PCDHGA8: variants seen among roughly 807,000 people sequenced by gnomAD.
PCDHGA8 encodes protocadherin gamma-A8.
In PCDHGA8, 45 loss-of-function variants were observed where a neutral mutation model predicts 59.2. The observed-to-expected ratio is 0.76, with a 90% confidence interval of 0.60 to 0.98. PCDHGA8 has a LOEUF of 0.98. Among genes scored for constraint, PCDHGA8 ranks in the 50% least tolerant of loss-of-function variants. PCDHGA8 has a pLI of 0.00. For missense variants in PCDHGA8, 1,257 were observed against 1,196.2 expected, an observed-to-expected ratio of 1.05 and a Z score of -0.75; for synonymous variants, 531 against 519.0, an observed-to-expected ratio of 1.02 and a Z score of -0.32.
At chr5:141,430,931 G>C (rs781580216) in intron 1 of PCDHGA8, 2 of 1,607,530 alleles carry the variant, frequency 1.2e-6, no homozygotes, top group Admixed American at 1.7e-5. Flanking sequence ...GGAGCCCCGG[G>C]AGCTCGCGGA....
rs1200487646 is a variant in PCDHGA8, at chr5:141,410,571, C to T, written c.2424+15334C>T. 3 of 1,612,028 alleles carry T rather than the reference C, an allele frequency of 1.9e-6. No homozygotes were observed. The highest frequency in any genetic ancestry group is 2.5e-6 in the Non-Finnish European group (3 of 1,179,884). On this transcript the variant is annotated intron_variant, in intron 1 of 3. Coordinates refer to ENST00000398604, the MANE Select transcript of PCDHGA8 (RefSeq NM_032088.2). The stretch of plus-strand genomic sequence containing the variant: ...AGTGTTTCTCCTGGAGCCTTAATTC[C>T]ACCTCATGGTGGGGAGGATTTGACT...
At chr5:141,426,096 T>C (rs1296875718) in intron 1 of PCDHGA8, among the ~76,000 whole-genome samples, 6 of 152,230 alleles carry the variant, frequency 3.9e-5, no homozygotes, top group Non-Finnish European at 8.8e-5. Flanking sequence ...GATATTCTGT[T>C]CAGTCACAGA....
Position 141,431,535 on chromosome 5 carries a change from C to T in PCDHGA8, c.2424+36298C>T. On this transcript the variant is annotated intron_variant, in intron 1 of 3. Coordinates refer to ENST00000398604, the MANE Select transcript of PCDHGA8 (RefSeq NM_032088.2). This position sits in a 1 kb window ranked among gnomAD's most constrained non-coding sequence, Gnocchi z 4.8. ...GTTCCGGAGAATCTGGCCTTGGGCA[C>T]GCAGCTGCTTGTAGTCAACGCTACC... is the stretch of plus-strand genomic sequence containing the variant. 3 of 1,614,076 alleles carry T rather than the reference C, an allele frequency of 1.9e-6. No individual in the cohort carries two copies. Among genetic ancestry groups the T allele is most frequent in the Non-Finnish European group, 2.5e-6 (3 of 1,180,038 alleles).
chr5:141,504,907 A>G (rs2099841813), intron 2 of PCDHGA8, among the ~76,000 whole-genome samples: 1 of 152,100 alleles, frequency 6.6e-6, no homozygotes, highest in African/African-American at 2.4e-5. Context: ...TCACTATGAC[A>G]GGAAGCCAGG....
chr5:141,405,609 G>A, intron 1 of PCDHGA8: 1 of 562,334 alleles, frequency 1.8e-6, no homozygotes. Context: ...AGAATAACTG[G>A]GACTACAGGC....
chr5:141,413,461 C>T, intron 1 of PCDHGA8: 2 of 1,614,082 alleles, frequency 1.2e-6, no homozygotes, highest in Non-Finnish European at 1.7e-6. Context: ...CAGGATAGAC[C>T]GGGAGGAGCT....
chr5:141,401,822 C>T (rs1340105226), intron 1 of PCDHGA8, among the ~76,000 whole-genome samples: 1 of 152,188 alleles, frequency 6.6e-6, no homozygotes, highest in Non-Finnish European at 1.5e-5. Flanking sequence ...TTACAAAGTG[C>T]TGAGATTTCT....
At chr5:141,452,017 C>T (rs181614467) in intron 1 of PCDHGA8, among the ~76,000 whole-genome samples, 10 of 152,344 alleles carry the variant, frequency 6.6e-5, no homozygotes, top group Non-Finnish European at 1.2e-4. Flanking sequence ...CCAGCCCACA[C>T]TCTGGGGAGA....
Position 141,476,605 on chromosome 5 carries a change from T to C in PCDHGA8, c.2425-18202T>C, listed in dbSNP as rs1394742940. ...CGCTCGAGAGCGCGCACGATCCCGATGTGGGAAGCAACTCTTTACAAACCT... is the reference window on the plus strand; with the variant it reads ...CGCTCGAGAGCGCGCACGATCCCGACGTGGGAAGCAACTCTTTACAAACCT... On this transcript the variant is annotated intron_variant, in intron 1 of 3. Transcript: ENST00000398604. This position sits in a 1 kb window ranked among gnomAD's most constrained non-coding sequence, Gnocchi z 7.6. 1.9e-6 allele frequency: 3 copies of C among 1,614,066 alleles called. No individual in the cohort carries two copies. In the East Asian group the frequency reaches 6.7e-5, roughly 36 times the overall value.
intron 1 of PCDHGA8, among the ~76,000 whole-genome samples, chr5:141,464,827 C>T (rs529757361): frequency 1.5e-4 from 23 of 152,246 alleles, no homozygotes; most frequent in African/African-American, 4.6e-4. Flanking sequence ...TAGCCTCGCA[C>T]TCCTGGGCTC....
At chr5:141,446,263 C>T (rs2098496356) in intron 1 of PCDHGA8, among the ~76,000 whole-genome samples, 1 of 152,010 alleles carries the variant, frequency 6.6e-6, no homozygotes, top group East Asian at 1.9e-4. Flanking sequence ...ATATTATTAA[C>T]TGAATAAATA....
rs186490614 is a variant in PCDHGA8 at position 141,415,986 on chromosome 5, T to A, written c.2424+20749T>A. 2.6e-4 allele frequency: 85 copies of A among 328,664 alleles called. 1 individual carries two copies. The highest frequency in any genetic ancestry group is 1.7e-3 in the African/African-American group (80 of 46,398). 20.4% of individuals were successfully genotyped at this position (328,664 alleles called of 1,614,324 possible). On this transcript the variant is annotated intron_variant, in intron 1 of 3. Transcript: ENST00000398604. ...CCAGCCCCTTAAGCAACCCTCTTGT[T>A]CTGAAGGCAGGTCTGGTAAGAATAG...
intron 1 of PCDHGA8, chr5:141,420,545 A>G: frequency 3.5e-6 from 1 of 289,066 alleles, no homozygotes; most frequent in Non-Finnish European, 6.2e-6. Flanking sequence ...TATAAAATAC[A>G]GGTATATTTT....
intron 1 of PCDHGA8, chr5:141,478,400 C>A (rs1295855090): frequency 6.2e-7 from 1 of 1,613,550 alleles, no homozygotes; most frequent in East Asian, 2.2e-5. Context: ...TCAGGTGTAT[C>A]TCACCACGGA....
At chr5:141,420,164 A>G (rs2096471602) in intron 1 of PCDHGA8, 1 of 1,614,040 alleles carries the variant, frequency 6.2e-7, no homozygotes, top group Non-Finnish European at 8.5e-7. Context: ...TAATTTTTTC[A>G]CATCTGTTGA....
chr5:141,398,747 A>G (rs1046077050), intron 1 of PCDHGA8: 5 of 1,613,378 alleles, frequency 3.1e-6, no homozygotes, highest in Non-Finnish European at 4.2e-6. Flanking sequence ...CAACAGAGTT[A>G]CCATCGTTTA....
At chr5:141,407,114 T>C (rs1309229793) in intron 1 of PCDHGA8, among the ~76,000 whole-genome samples, 1 of 152,228 alleles carries the variant, frequency 6.6e-6, no homozygotes, top group Non-Finnish European at 1.5e-5. Flanking sequence ...ATTATTTGGG[T>C]TTCAGTTGCT....
At chr5:141,403,758 T>C (rs1022850868) in intron 1 of PCDHGA8, 18 of 1,613,804 alleles carry the variant, frequency 1.1e-5, no homozygotes, top group Non-Finnish European at 1.4e-5. Flanking sequence ...GCCAGCGACC[T>C]GGATGAGGGA....
chr5:141,450,491 G>C (rs1264524088), intron 1 of PCDHGA8, among the ~76,000 whole-genome samples: 1 of 151,896 alleles, frequency 6.6e-6, no homozygotes, highest in Non-Finnish European at 1.5e-5. Context: ...TTGTTTGTCT[G>C]TTTGTTTGTT....
Sources: allele counts gnomAD v4.1 joint callset (sites outside exome capture counted in the v4.1 genomes callset), GRCh38; gene constraint gnomAD v4.1.1; non-coding constraint Gnocchi (gnomAD v3.1); transcripts MANE v1.5; gene names NCBI Gene and HGNC (gene_info 2026-07-23, HGNC 2026-07-21).